Variants in CAMTA1 observed in about 807,000 individuals in gnomAD.
CAMTA1 encodes the protein calmodulin-binding transcription activator 1.
CAMTA1 carries 27 observed loss-of-function variants against 170.9 expected under a neutral mutation model. That is an observed-to-expected ratio of 0.16 (90% CI 0.12 to 0.22). The LOEUF is 0.22. CAMTA1 is among the 10% of genes least tolerant of loss of function. CAMTA1 has a pLI of 1.00. For missense variants in CAMTA1, 1,619 were observed against 2,217.2 expected (o/e 0.73, Z 5.42); for synonymous variants, 833 against 891.5 (o/e 0.93, Z 1.17).
chr1:7,347,754 T>A (rs2084332712), intron 5 of CAMTA1, among the ~76,000 whole-genome samples: 1 of 152,010 alleles, frequency 6.6e-6, no homozygotes, highest in African/African-American at 2.4e-5. Flanking sequence ...CGTCCCTGCA[T>A]CCTCCCCAGC....
intron 3 of CAMTA1, among the ~76,000 whole-genome samples, chr1:6,874,617 A>T (rs1172743401): frequency 6.6e-6 from 1 of 152,216 alleles, no homozygotes; most frequent in East Asian, 1.9e-4. Context: ...GGAACCGAAT[A>T]GTTTATGGTA....
At chr1:6,920,130 G>GCCTGT (rs1681686820) in intron 3 of CAMTA1, among the ~76,000 whole-genome samples, 2 of 152,284 alleles carry the variant, frequency 1.3e-5, no homozygotes, top group South Asian at 4.1e-4. Flanking sequence ...CTGGCTATGA[G>GCCTGT]CCTGTAAAAT....
intron 5 of CAMTA1, among the ~76,000 whole-genome samples, chr1:7,450,598 G>A (rs995113887): frequency 6.6e-6 from 1 of 152,232 alleles, no homozygotes; most frequent in Non-Finnish European, 1.5e-5. Context: ...CGCTCTGCCT[G>A]CAAGATTCAA....
intron 3 of CAMTA1, among the ~76,000 whole-genome samples, chr1:7,072,983 T>C (rs141478552): frequency 1.0e-3 from 159 of 152,062 alleles, no homozygotes; most frequent in South Asian, 3.1e-3. Flanking sequence ...CCCTGACTAG[T>C]GTGAAGAAGC....
rs1189424988 is a variant in CAMTA1, at chr1:6,971,999, G to A, written c.235-119305G>A. Reference sequence around the variant, plus strand: ...AGGAGACTGATCGTCTTGATGAGGTGTGCAGGGCAGGACTTTGTAATTTGA... The same window carrying A: ...AGGAGACTGATCGTCTTGATGAGGTATGCAGGGCAGGACTTTGTAATTTGA... On this transcript the variant is annotated intron_variant, in intron 3 of 22. Transcript: ENST00000303635. This position sits in a 1 kb window ranked among gnomAD's most constrained non-coding sequence, Gnocchi z 4.6. 1.3e-5 allele frequency among the ~76,000 whole-genome samples: 2 copies of A among 152,248 alleles called. No individual in the cohort carries two copies. Among genetic ancestry groups the A allele is most frequent in the African/African-American group, 4.8e-5 (2 of 41,458 alleles).
chr1:6,872,735 T>C (rs1668748536), intron 3 of CAMTA1, among the ~76,000 whole-genome samples: 1 of 152,172 alleles, frequency 6.6e-6, no homozygotes, highest in African/African-American at 2.4e-5. Flanking sequence ...CTTGAGTCAG[T>C]TCTTTGAACT....
At chr1:6,880,816 T>A (rs1671348288) in intron 3 of CAMTA1, among the ~76,000 whole-genome samples, 1 of 152,182 alleles carries the variant, frequency 6.6e-6, no homozygotes, top group Non-Finnish European at 1.5e-5. Flanking sequence ...AAATACTTAT[T>A]GAATACCGAG....
chr1:7,057,324 C>A (rs910991855), intron 3 of CAMTA1, among the ~76,000 whole-genome samples: 1 of 152,222 alleles, frequency 6.6e-6, no homozygotes, highest in East Asian at 1.9e-4. Flanking sequence ...TGGGATGGAT[C>A]TTTCGAAGCA....
chr1:6,963,214 GAACTACCCATCTTTCCTTTAT>G, intron 3 of CAMTA1, among the ~76,000 whole-genome samples: 1 of 125,330 alleles, frequency 8.0e-6, no homozygotes, highest in Non-Finnish European at 1.7e-5. Flanking sequence ...CGCCCCTTTG[GAACTACCCATCTTTCCTTTAT>G]GGGCCCCGCC....
chr1:7,726,217 AT>A (rs138800110), intron 11 of CAMTA1, among the ~76,000 whole-genome samples: 1 of 151,382 alleles, frequency 6.6e-6, no homozygotes, highest in South Asian at 2.1e-4. Context: ...CTGTCAAAGG[AT>A]TTTTTTTTGC....
At chr1:7,566,129 G>A (rs1457855281) in intron 6 of CAMTA1, among the ~76,000 whole-genome samples, 1 of 152,064 alleles carries the variant, frequency 6.6e-6, no homozygotes, top group Non-Finnish European at 1.5e-5. Context: ...AAATCACTTT[G>A]GAAAAAAAGA....
chr1:7,110,240 T>C (rs1643933371), intron 4 of CAMTA1, among the ~76,000 whole-genome samples: 2 of 152,104 alleles, frequency 1.3e-5, no homozygotes, highest in Admixed American at 1.3e-4. Context: ...CATGTAACCC[T>C]TTATCCCAAC....
rs116680726 is a variant in CAMTA1, at chr1:7,293,908, T to C, written c.438+44282T>C. Among the ~76,000 whole-genome samples, 719 of 152,348 alleles carry C rather than the reference T, an allele frequency of 4.7e-3. 8 individuals are homozygous for C. The highest frequency in any genetic ancestry group is 0.016 in the African/African-American group (681 of 41,576). On this transcript the variant is annotated intron_variant, in intron 5 of 22. Coordinates refer to ENST00000303635, the MANE Select transcript of CAMTA1 (RefSeq NM_015215.4). This position sits in a 1 kb window ranked among gnomAD's most constrained non-coding sequence, Gnocchi z 4.1. ...TGTAGTAATGAGCATTTGGCTTTTG[T>C]AATCCTTTTTCTGCTTCGTGCTAGC...
chr1:6,879,599 T>G (rs1670876263), intron 3 of CAMTA1, among the ~76,000 whole-genome samples: 1 of 149,684 alleles, frequency 6.7e-6, no homozygotes, highest in Non-Finnish European at 1.5e-5. Flanking sequence ...TATAAAGGCT[T>G]CTTTTCCTTT....
intron 16 of CAMTA1, among the ~76,000 whole-genome samples, chr1:7,742,652 C>T (rs955765088): frequency 2.6e-5 from 4 of 152,152 alleles, no homozygotes; most frequent in African/African-American, 9.7e-5. Context: ...TACATTGTTA[C>T]ATGTTTATAA....
chr1:7,710,788 C>G (rs1337926606), intron 11 of CAMTA1, among the ~76,000 whole-genome samples: 3 of 151,894 alleles, frequency 2.0e-5, no homozygotes, highest in Non-Finnish European at 4.4e-5. Context: ...ATGGCAGCAG[C>G]AAGATGGCCC....
At chr1:7,577,439 G>A (rs1358586318) in intron 6 of CAMTA1, among the ~76,000 whole-genome samples, 1 of 152,130 alleles carries the variant, frequency 6.6e-6, no homozygotes, top group East Asian at 1.9e-4. Context: ...TCCCTCTAAC[G>A]GTTGCCTGTG....
At chr1:6,957,201 G>C (rs181073075) in intron 3 of CAMTA1, among the ~76,000 whole-genome samples, 230 of 152,298 alleles carry the variant, frequency 1.5e-3, no homozygotes, top group Non-Finnish European at 3.0e-3. Context: ...AGGTGTTACA[G>C]GATGCTCTTA....
In CAMTA1 at chr1:7,655,809, T is replaced by C. The variant is rs538010513; in HGVS notation, c.665-5917T>C. ...TGTACACACACACGTGTGCAGTGCA[T>C]AGAGCAGGGTTGGTGTGGACCTTTA... On this transcript the variant is annotated intron_variant, in intron 7 of 22. Transcript: ENST00000303635. Among the ~76,000 whole-genome samples the C allele has an allele frequency of 1.8e-3, 276 of 152,280 alleles. 1 individual carries two copies. Among genetic ancestry groups the C allele is most frequent in the African/African-American group, 6.4e-3 (267 of 41,544 alleles).
Sources: allele counts gnomAD v4.1 joint callset (sites outside exome capture counted in the v4.1 genomes callset), GRCh38; gene constraint gnomAD v4.1.1; non-coding constraint Gnocchi (gnomAD v3.1); transcripts MANE v1.5; gene names NCBI Gene and HGNC (gene_info 2026-07-23, HGNC 2026-07-21).